Variants in GDAP1 observed in about 807,000 individuals in gnomAD.
The protein encoded by GDAP1 is ganglioside-induced differentiation-associated protein 1.
In GDAP1, 34 loss-of-function variants were observed where a neutral mutation model predicts 40.1. The ratio of observed to expected loss-of-function variants is 0.85; its 90% confidence interval spans 0.64 to 1.13. The LOEUF (loss-of-function observed/expected upper bound fraction) is 1.13. Ranked by LOEUF, GDAP1 falls within the 50% of genes most tolerant of loss-of-function variation. The pLI is 0.00. For synonymous variants in GDAP1, 170 were observed against 157.4 expected, an observed-to-expected ratio of 1.08 and a Z score of -0.60; for missense variants, 374 against 433.7, an observed-to-expected ratio of 0.86 and a Z score of 1.22.
intron 2 of GDAP1, among the ~76,000 whole-genome samples, chr8:74,479,043 G>A (rs377654008): frequency 5.3e-5 from 8 of 152,130 alleles, no homozygotes; most frequent in African/African-American, 1.2e-4. Context: ...TTCTGATGTC[G>A]TGGTCCCTTA....
At position 74,465,859 on chromosome 8, in the gene GDAP1, A is replaced by C. The variant is rs1416228448; in HGVS notation, c.166-22819A>C. Among the ~76,000 whole-genome samples the C allele has an allele frequency of 3.3e-5, 5 of 152,058 alleles. No individual in the cohort carries two copies. The East Asian group carries it at 7.7e-4, about 23-fold the overall frequency. ...TTCTAGGCCAAAAGAGAGACCTAGC[A>C]GTGTTATTTATTAAATAGTTATGAG... On this transcript the variant is annotated intron_variant, in intron 2 of 2. Coordinates refer to the GDAP1 transcript ENST00000523640.
At chr8:74,477,984 G>A (rs993887403) in intron 2 of GDAP1, among the ~76,000 whole-genome samples, 2 of 152,162 alleles carry the variant, frequency 1.3e-5, no homozygotes, top group Admixed American at 6.5e-5. Context: ...GTGGGAGCAG[G>A]ACAGTGTGTA....
intron 2 of GDAP1, among the ~76,000 whole-genome samples, chr8:74,352,986 C>T (rs1808950037): frequency 6.6e-6 from 1 of 152,108 alleles, no homozygotes. Context: ...TCCATCCCCT[C>T]CTTACACTGT....
intron 2 of GDAP1, among the ~76,000 whole-genome samples, chr8:74,422,998 C>G (rs1805898028): frequency 1.3e-5 from 2 of 148,632 alleles, no homozygotes; most frequent in Admixed American, 6.8e-5. Flanking sequence ...AACACCCAAT[C>G]TATGTAAAAT....
At chr8:74,374,620 A>G (rs975163966) in intron 2 of GDAP1, among the ~76,000 whole-genome samples, 11 of 152,218 alleles carry the variant, frequency 7.2e-5, no homozygotes, top group African/African-American at 2.7e-4. Context: ...CAAGAAATAC[A>G]TAGAGAAATA....
intron 2 of GDAP1, among the ~76,000 whole-genome samples, chr8:74,464,407 G>T (rs1270628687): frequency 6.6e-6 from 1 of 152,116 alleles, no homozygotes; most frequent in Non-Finnish European, 1.5e-5. Flanking sequence ...TGGTTTGCTT[G>T]GTTTTCTGTA....
chr8:74,411,482 C>T (rs542242105), intron 2 of GDAP1, among the ~76,000 whole-genome samples: 1 of 148,730 alleles, frequency 6.7e-6, no homozygotes, highest in South Asian at 2.1e-4. Flanking sequence ...TCTACAGTTA[C>T]ATGTAAATAC....
intron 2 of GDAP1, among the ~76,000 whole-genome samples, chr8:74,422,493 CTCCTTCCTTCCTTCCTTCCTTCCTTCCT>C (rs67444628): frequency 1.9e-5 from 2 of 104,744 alleles, no homozygotes; most frequent in Admixed American, 1.1e-4. Flanking sequence ...TCCCTCCTTT[CTCCTTCCTTCCTTCCTTCCTTCCTTCCT>C]TCCTTCCTTC....
chr8:74,364,350 A>G lies in GDAP1; in HGVS notation c.1060A>G (p.Arg354Gly). The part of the protein sequence containing the change: ...LGSMILAFRP[R>G]PNYF Reference sequence around the variant, plus strand: ...CAGCATGATATTAGCATTTAGACCCAGACCAAATTATTTCTAGGTTTGTTG... The same window carrying G: ...CAGCATGATATTAGCATTTAGACCCGGACCAAATTATTTCTAGGTTTGTTG... Residue 354 changes from arginine (R) to glycine (G), a missense_variant, in exon 6 of 6, where the codon AGA (arginine) becomes GGA (glycine). Transcript: ENST00000220822. 6.2e-7 allele frequency: 1 copy of G among 1,613,906 alleles called. No homozygotes were observed. Among genetic ancestry groups the G allele is most frequent in the Non-Finnish European group, 8.5e-7 (1 of 1,180,000 alleles).
At chr8:74,436,265 C>T (rs1330398468) in intron 2 of GDAP1, among the ~76,000 whole-genome samples, 2 of 152,160 alleles carry the variant, frequency 1.3e-5, no homozygotes, top group Non-Finnish European at 2.9e-5. Flanking sequence ...TGGACCAATG[C>T]TGTATCCTAG....
chr8:74,457,746 T>A (rs1407539232), intron 2 of GDAP1, among the ~76,000 whole-genome samples: 1 of 152,140 alleles, frequency 6.6e-6, no homozygotes, highest in African/African-American at 2.4e-5. Flanking sequence ...AAATTTCAGC[T>A]ACTTGGCAAT....
chr8:74,470,930 A>G (rs1586845188), intron 2 of GDAP1, among the ~76,000 whole-genome samples: 1 of 152,262 alleles, frequency 6.6e-6, no homozygotes, highest in East Asian at 1.9e-4. Flanking sequence ...CTGACTTTTT[A>G]ATGATCGCCA....
At chr8:74,352,364 G>A (rs1445383638) in intron 2 of GDAP1, among the ~76,000 whole-genome samples, 1 of 152,194 alleles carries the variant, frequency 6.6e-6, no homozygotes, top group Non-Finnish European at 1.5e-5. Flanking sequence ...TTCTAAAAAG[G>A]CTGTATGAGA....
intron 2 of GDAP1, among the ~76,000 whole-genome samples, chr8:74,391,786 T>G (rs755288653): frequency 1.8e-4 from 27 of 152,274 alleles, no homozygotes; most frequent in Middle Eastern, 6.8e-3. Flanking sequence ...ATCTGTTACA[T>G]TCACATATTT....
At position 74,399,867 on chromosome 8, in the gene GDAP1, A is replaced by G. The variant is rs1363315269; in HGVS notation, c.165+48546A>G. On this transcript the variant is annotated intron_variant, in intron 2 of 2. Coordinates refer to the GDAP1 transcript ENST00000523640. ...CCATGTAGTTGAGCGGTTTTGAGTG[A>G]GTTTCTTAATCCTGAGTTCTAGTTT... Among the ~76,000 whole-genome samples, 14 of 141,858 alleles carry G rather than the reference A, an allele frequency of 9.9e-5. 2 individuals are homozygous for G. The highest frequency in any genetic ancestry group is 3.9e-4 in the African/African-American group (13 of 33,668). The allele number at this position is 141,858 out of a possible 152,430, so 93.1% of individuals were successfully genotyped here. A position where few individuals can be genotyped will look rare whatever the true frequency, so the allele number is the denominator to read the frequency against.
At chr8:74,423,701 G>A (rs1282236026) in intron 2 of GDAP1, among the ~76,000 whole-genome samples, 2 of 152,040 alleles carry the variant, frequency 1.3e-5, no homozygotes, top group East Asian at 3.9e-4. Flanking sequence ...CCGTGGTTAA[G>A]TTCTTCTTCC....
intron 2 of GDAP1, among the ~76,000 whole-genome samples, chr8:74,463,451 A>AC (rs1806428439): frequency 9.5e-6 from 1 of 105,732 alleles, no homozygotes; most frequent in Admixed American, 9.9e-5. Flanking sequence ...ACAGAGCGAG[A>AC]CCCTGTCTCA....
In GDAP1 at chr8:74,366,818, A is replaced by G. The variant is rs1192805960; in HGVS notation, c.*2451A>G. 2.2e-6 allele frequency: 1 copy of G among 453,214 alleles called. No individual in the cohort carries two copies. Among genetic ancestry groups the G allele is most frequent in the East Asian group, 6.9e-5 (1 of 14,392 alleles). The allele number at this position is 453,214 out of a possible 1,614,324, so 28.1% of individuals were successfully genotyped here. On this transcript the variant is annotated 3_prime_UTR_variant, in exon 6 of 6. Transcript: ENST00000220822. ...TGTTGAATGCAGTAGAGAGACCAAGACACTATTCTGTAAGATCAATAAAAG... is the reference window on the plus strand; with the variant it reads ...TGTTGAATGCAGTAGAGAGACCAAGGCACTATTCTGTAAGATCAATAAAAG...
At position 74,364,041 on chromosome 8, in the gene GDAP1, C is replaced by G. The variant is rs1214174239; in HGVS notation, c.751C>G (p.Leu251Val). The change falls in exon 6 of 6, where the codon CTC (leucine) becomes GTC (valine). Residue 251 changes from leucine (L) to valine (V), a missense_variant. Leu to Val is a conservative substitution (Grantham distance 32). Coordinates refer to ENST00000220822, the MANE Select transcript of GDAP1 (RefSeq NM_018972.4). Reference sequence around the variant, plus strand: ...ATCCTTCACCCTGGCAGACGTCTCACTCGCTGTCACATTGCATCGACTGAA... The same window carrying G: ...ATCCTTCACCCTGGCAGACGTCTCAGTCGCTGTCACATTGCATCGACTGAA... ...GESFTLADVS[L>V]AVTLHRLKFL... 2 of 1,613,674 alleles carry G rather than the reference C, an allele frequency of 1.2e-6. No homozygotes were observed. Among genetic ancestry groups the G allele is most frequent in the Non-Finnish European group, 1.7e-6 (2 of 1,179,696 alleles).
Sources: gnomAD v4.1 joint callset for allele counts (sites outside exome capture counted in the v4.1 genomes callset) on GRCh38, gnomAD v4.1.1 for gene constraint, MANE v1.5 for transcripts, NCBI Gene and HGNC (gene_info 2026-07-23, HGNC 2026-07-21) for gene names.